Variants in ARMC2 observed in about 807,000 individuals in gnomAD.
ARMC2 encodes armadillo repeat containing 2, also known as armadillo repeat-containing protein 2.
Under a neutral mutation model 90.3 loss-of-function variants are expected in ARMC2, and 67 were observed. That is an observed-to-expected ratio of 0.74 (90% CI 0.61 to 0.91). The LOEUF (loss-of-function observed/expected upper bound fraction) is 0.91, where lower values mean the gene tolerates loss of function less well. Among genes scored for constraint, ARMC2 ranks in the 40% least tolerant of loss-of-function variants. ARMC2 has a pLI of 0.00. For synonymous variants in ARMC2, 393 were observed against 393.0 expected (o/e 1.00, Z 0.00); for missense variants, 920 against 1,030.9 (o/e 0.89, Z 1.47).
chr6:109,030,429 GAA>G, the ARMC2 span, among the ~76,000 whole-genome samples: 3 of 152,168 alleles, frequency 2.0e-5, no homozygotes, highest in Non-Finnish European at 4.4e-5. Context: ...ATACCAAGGG[GAA>G]AAGACAGTAG....
the ARMC2 span, among the ~76,000 whole-genome samples, chr6:108,989,055 T>G: frequency 3.9e-5 from 6 of 152,236 alleles, no homozygotes; most frequent in Admixed American, 6.5e-5. Context: ...CAGGCTGGAG[T>G]GCAGTGGTGC....
chr6:108,957,249 AG>A (rs1344500152), intron 13 of ARMC2, among the ~76,000 whole-genome samples: 2 of 152,224 alleles, frequency 1.3e-5, no homozygotes, highest in African/African-American at 4.8e-5. Flanking sequence ...CACCCCTGAC[AG>A]GGGGTCACCC....
At chr6:108,950,408 T>C (rs536317736) in intron 12 of ARMC2, among the ~76,000 whole-genome samples, 1 of 152,166 alleles carries the variant, frequency 6.6e-6, no homozygotes. Context: ...ATAAAGACCA[T>C]GTAGTACATA....
rs562028708 is a variant in ARMC2 at position 108,931,685 on chromosome 6, A to G, written c.1496+3452A>G. ...TTCTCTAATGTATTTGTATTTCTCT[A>G]TGATACTGAGCTTTTTTTCCATATG... On this transcript the variant is annotated intron_variant, in intron 11 of 17. Coordinates refer to ENST00000392644, the MANE Select transcript of ARMC2 (RefSeq NM_032131.6). 9.3e-5 allele frequency among the ~76,000 whole-genome samples: 14 copies of G among 151,138 alleles called. No individual in the cohort carries two copies. The South Asian group carries it at 2.9e-3, about 32-fold the overall frequency.
chr6:108,970,893 A>G (rs560595369), intron 17 of ARMC2, among the ~76,000 whole-genome samples: 72 of 152,328 alleles, frequency 4.7e-4, no homozygotes, highest in African/African-American at 1.7e-3. Context: ...TGTTCAGAAA[A>G]TCTGGAAAAC....
At chr6:108,932,509 T>C (rs1775634772) in intron 11 of ARMC2, among the ~76,000 whole-genome samples, 1 of 144,232 alleles carries the variant, frequency 6.9e-6, no homozygotes, top group African/African-American at 2.6e-5. Context: ...GAGTCTTTTC[T>C]CCATTGCTTT....
chr6:108,849,805 A>G (rs1582905031), intron 1 of ARMC2, among the ~76,000 whole-genome samples: 2 of 152,266 alleles, frequency 1.3e-5, no homozygotes, highest in Admixed American at 1.3e-4. Flanking sequence ...CCTTTTATAG[A>G]TGAGGAAACT....
intron 11 of ARMC2, among the ~76,000 whole-genome samples, chr6:108,931,307 T>C (rs1433380744): frequency 6.6e-6 from 1 of 151,998 alleles, no homozygotes; most frequent in Non-Finnish European, 1.5e-5. Context: ...CCACATTTTC[T>C]TTATCCAATC....
chr6:108,990,820 C>T, the ARMC2 span: 1 of 1,613,858 alleles, frequency 6.2e-7, no homozygotes, highest in Non-Finnish European at 8.5e-7. Flanking sequence ...TAACCATGAT[C>T]TTCCCAGCAA....
chr6:108,911,807 G>A (rs921369731), intron 9 of ARMC2, among the ~76,000 whole-genome samples: 1 of 152,052 alleles, frequency 6.6e-6, no homozygotes, highest in Non-Finnish European at 1.5e-5. Flanking sequence ...TGGATTACTC[G>A]TAAAACCAAG....
chr6:108,970,680 T>C (rs1778703679), intron 17 of ARMC2, among the ~76,000 whole-genome samples: 1 of 151,388 alleles, frequency 6.6e-6, no homozygotes, highest in African/African-American at 2.4e-5. Context: ...GTATTTTTAG[T>C]AGAGATGGGG....
intron 15 of ARMC2, among the ~76,000 whole-genome samples, chr6:108,963,414 A>G (rs978203353): frequency 1.3e-5 from 2 of 152,208 alleles, no homozygotes; most frequent in Non-Finnish European, 2.9e-5. Flanking sequence ...GCTGGGCACT[A>G]TTTAGCCTCT....
chr6:109,001,313 T>C, the ARMC2 span: 22 of 1,613,674 alleles, frequency 1.4e-5, no homozygotes, highest in East Asian at 2.0e-4. Flanking sequence ...GTGACGATAA[T>C]GTAGGGGTAA....
At chr6:109,047,381 C>T in the ARMC2 span, among the ~76,000 whole-genome samples, 8 of 132,572 alleles carry the variant, frequency 6.0e-5, no homozygotes, top group African/African-American at 1.4e-4. Flanking sequence ...CCGCCCCGTC[C>T]GGGAGGTGAG....
downstream of ARMC2, among the ~76,000 whole-genome samples, chr6:108,976,981 G>A (rs1294256889): frequency 5.3e-5 from 8 of 152,162 alleles, no homozygotes. Context: ...TTTCCTAACT[G>A]AATACCCTTT....
chr6:108,953,204 C>T lies in ARMC2; in HGVS notation c.1768C>T (p.Gln590Ter). 1 of 1,613,988 alleles carries T rather than the reference C, an allele frequency of 6.2e-7. No homozygotes were observed. Among genetic ancestry groups the T allele is most frequent in the South Asian group, 1.1e-5 (1 of 91,086 alleles). The change falls in exon 13 of 18, where the codon CAG becomes TAG. Residue 590 changes from glutamine (Q) to a stop codon, truncating the protein, a stop_gained. Coordinates refer to ENST00000392644, the MANE Select transcript of ARMC2 (RefSeq NM_032131.6). LOFTEE classifies it high-confidence loss of function. The part of the protein sequence containing the change: ...SQKPVGQRGE[Q>*]HRAQRPPSEA... ...GAAGCCGGTGGGCCAACGAGGCGAG[C>T]AGCACAGGGCGCAGAGGCCGCCGTC...
chr6:108,855,613 G>A (rs1337528083), intron 2 of ARMC2, among the ~76,000 whole-genome samples: 5 of 152,168 alleles, frequency 3.3e-5, no homozygotes, highest in Admixed American at 6.5e-5. Flanking sequence ...TGGGAAGATT[G>A]CGTTTAGCTT....
downstream of ARMC2, among the ~76,000 whole-genome samples, chr6:108,976,482 A>G (rs1264400587): frequency 1.3e-5 from 2 of 152,106 alleles, no homozygotes; most frequent in Non-Finnish European, 2.9e-5. Flanking sequence ...TCTCTTGGCT[A>G]TGTGGGCTCT....
chr6:108,978,204 G>T (rs910510904), downstream of ARMC2, among the ~76,000 whole-genome samples: 2 of 152,094 alleles, frequency 1.3e-5, no homozygotes, highest in African/African-American at 4.8e-5. Context: ...TTGTGTCTTT[G>T]TTCTCATTGG....
Sources: allele counts gnomAD v4.1 joint callset (sites outside exome capture counted in the v4.1 genomes callset), GRCh38; gene constraint gnomAD v4.1.1; transcripts MANE v1.5; gene names NCBI Gene and HGNC (gene_info 2026-07-23, HGNC 2026-07-21).